SHC4: variants seen among roughly 807,000 people sequenced by gnomAD.
The protein encoded by SHC4 is SHC-transforming protein 4.
SHC4 carries 41 observed loss-of-function variants against 69.4 expected under a neutral mutation model. The ratio of observed to expected loss-of-function variants is 0.59; its 90% CI spans 0.46 to 0.77. The LOEUF (loss-of-function observed/expected upper bound fraction) is 0.77. Ranked by LOEUF, SHC4 falls within the 30% of genes least tolerant of loss-of-function variation. The pLI, the probability that SHC4 is intolerant of heterozygous loss-of-function variation, is 0.00. For missense variants in SHC4, 777 were observed against 783.8 expected, an observed-to-expected ratio of 0.99 and a Z score of 0.10; for synonymous variants, 318 against 299.3, an observed-to-expected ratio of 1.06 and a Z score of -0.64.
intron 2 of SHC4, among the ~76,000 whole-genome samples, chr15:48,906,972 C>T (rs1360458337): frequency 6.6e-6 from 1 of 152,132 alleles, no homozygotes; most frequent in Admixed American, 6.5e-5. Flanking sequence ...TAATATGCAC[C>T]ACAGGATCTC....
chr15:48,941,565 A>G (rs772584897), intron 1 of SHC4, among the ~76,000 whole-genome samples: 5 of 152,188 alleles, frequency 3.3e-5, no homozygotes, highest in Non-Finnish European at 7.3e-5. Context: ...GAAAAGAGAA[A>G]TAATGGCGAG....
intron 10 of SHC4, among the ~76,000 whole-genome samples, chr15:48,840,308 T>A (rs1898968211): frequency 6.6e-6 from 1 of 152,106 alleles, no homozygotes; most frequent in Non-Finnish European, 1.5e-5. Flanking sequence ...AAAACAAAAA[T>A]TAGTACCAGA....
chr15:48,952,933 T>C (rs1901389094), intron 1 of SHC4, among the ~76,000 whole-genome samples: 1 of 152,194 alleles, frequency 6.6e-6, no homozygotes, highest in African/African-American at 2.4e-5. Flanking sequence ...CCCAAAGGAA[T>C]ATAAATCGTT....
chr15:48,885,842 T>C (rs1900025734), intron 3 of SHC4, among the ~76,000 whole-genome samples: 1 of 152,186 alleles, frequency 6.6e-6, no homozygotes, highest in African/African-American at 2.4e-5. Context: ...TCTTTGCTTC[T>C]TACACAGCTC....
intron 9 of SHC4, among the ~76,000 whole-genome samples, chr15:48,847,998 G>A (rs1284488131): frequency 1.6e-5 from 2 of 123,352 alleles, no homozygotes; most frequent in Non-Finnish European, 3.3e-5. Flanking sequence ...GCAAAACTCC[G>A]TCTAAAAAAA....
chr15:48,933,998 C>A (rs1361962005), intron 1 of SHC4, among the ~76,000 whole-genome samples: 2 of 152,068 alleles, frequency 1.3e-5, no homozygotes, highest in African/African-American at 4.8e-5. Flanking sequence ...AGAAAACAGT[C>A]ATAATCACAG....
intron 9 of SHC4, among the ~76,000 whole-genome samples, chr15:48,847,925 C>T (rs911174725): frequency 6.6e-6 from 1 of 151,468 alleles, no homozygotes; most frequent in Non-Finnish European, 1.5e-5. Flanking sequence ...TCGCTTGAAC[C>T]CGGGAGGCAG....
At chr15:48,924,735 G>A (rs1436878138) in intron 2 of SHC4, 144 bp downstream of exon 2, 1 of 747,968 alleles carries the variant, frequency 1.3e-6, no homozygotes, top group African/African-American at 1.7e-5. Context: ...ACTCATTGAA[G>A]GTCACTGGGC....
chr15:48,830,872 T>C (rs1595724338), intron 11 of SHC4, among the ~76,000 whole-genome samples: 2 of 152,318 alleles, frequency 1.3e-5, no homozygotes, highest in East Asian at 1.9e-4. Context: ...GGAGATATTC[T>C]AGAATAAGGC....
chr15:48,827,753 G>A lies in SHC4; in HGVS notation c.1738-1627C>T, dbSNP rs138102879. Among the ~76,000 whole-genome samples the A allele has an allele frequency of 1.3e-3, 194 of 152,228 alleles. 1 individual carries two copies. Among genetic ancestry groups the A allele is most frequent in the African/African-American group, 4.3e-3 (179 of 41,518 alleles). On this transcript the variant is annotated intron_variant, in intron 11 of 11. Transcript: ENST00000332408. ...GGCTAGGATAGGGAGGGGAGGTTAC[G>A]CACAGAGAGTTTCAACTATTTTGAA...
intron 4 of SHC4, among the ~76,000 whole-genome samples, chr15:48,882,681 T>C (rs1161058248): frequency 6.6e-6 from 1 of 152,202 alleles, no homozygotes; most frequent in Admixed American, 6.5e-5. Context: ...TTATGATGGC[T>C]TCAGCTTTGC....
Position 48,867,819 on chromosome 15 carries a change from T to A in SHC4, c.945A>T (p.Arg315=). Residue 315 remains arginine, a splice_region_variant and synonymous_variant, in exon 6 of 12, where the codon CGA becomes CGT. Coordinates refer to ENST00000332408, the MANE Select transcript of SHC4 (RefSeq NM_203349.4). The part of the protein sequence containing the change: ...AYVAKDPVNQ[R]ACHILECHNG... ...AAATCTGTAAGTTGCTTTCCATACC[T>A]CGTTGATTAACTGGATCTTTAGCTA... 6.2e-7 allele frequency: 1 copy of A among 1,613,580 alleles called. No homozygotes were observed. The highest frequency in any genetic ancestry group is 8.5e-7 in the Non-Finnish European group (1 of 1,179,668).
rs998407723 is a variant in SHC4 at position 48,963,200 on chromosome 15, C to G, written c.-185G>C. On this transcript the variant is annotated 5_prime_UTR_variant, in exon 1 of 12. Coordinates refer to ENST00000332408, the MANE Select transcript of SHC4 (RefSeq NM_203349.4). ...TAAGGGTGACAGCCCATGGGGGAAA[C>G]GCCTCCCCTGCTCTGATTTCAGTCT... 1 of 597,236 alleles carries G rather than the reference C, an allele frequency of 1.7e-6. No homozygotes were observed. The highest frequency in any genetic ancestry group is 1.9e-5 in the African/African-American group (1 of 53,842). The allele number at this position is 597,236 out of a possible 1,614,324, so 37.0% of individuals were successfully genotyped here.
chr15:48,943,031 A>G (rs1270860482), intron 1 of SHC4, among the ~76,000 whole-genome samples: 1 of 152,212 alleles, frequency 6.6e-6, no homozygotes, highest in African/African-American at 2.4e-5. Context: ...TCCTCCAGAA[A>G]GTCTCACTGA....
At chr15:48,930,122 T>C (rs1032315811) in intron 1 of SHC4, among the ~76,000 whole-genome samples, 3 of 152,340 alleles carry the variant, frequency 2.0e-5, no homozygotes, top group East Asian at 1.9e-4. Context: ...AAAAGATACA[T>C]ATTCTTATAC....
intron 1 of SHC4, among the ~76,000 whole-genome samples, chr15:48,937,513 T>C (rs1477524516): frequency 6.6e-6 from 1 of 152,036 alleles, no homozygotes; most frequent in Non-Finnish European, 1.5e-5. Context: ...CCTAAAGAAG[T>C]TTACCATCTA....
intron 4 of SHC4, among the ~76,000 whole-genome samples, chr15:48,874,206 G>A (rs1258676154): frequency 1.3e-5 from 2 of 152,140 alleles, no homozygotes; most frequent in Admixed American, 6.5e-5. Context: ...CAAACAGCAA[G>A]ATATAAAACT....
At chr15:48,873,452 C>T (rs1290351805) in intron 4 of SHC4, among the ~76,000 whole-genome samples, 1 of 152,130 alleles carries the variant, frequency 6.6e-6, no homozygotes, top group African/African-American at 2.4e-5. Context: ...TCCCATATAT[C>T]AACAATAGTC....
chr15:48,830,757 G>A (rs574091531), intron 11 of SHC4, among the ~76,000 whole-genome samples: 8 of 152,272 alleles, frequency 5.3e-5, no homozygotes, highest in Non-Finnish European at 7.4e-5. Context: ...CATTATCTGC[G>A]TACGAGCAAA....
Sources: gnomAD v4.1 joint callset for allele counts (sites outside exome capture counted in the v4.1 genomes callset) on GRCh38, gnomAD v4.1.1 for gene constraint, MANE v1.5 for transcripts, NCBI Gene and HGNC (gene_info 2026-07-23, HGNC 2026-07-21) for gene names.